Variants in RERE observed in about 807,000 individuals in gnomAD.
RERE encodes arginine-glutamic acid dipeptide repeats, also known as arginine-glutamic acid dipeptide repeats protein.
In RERE, 40 loss-of-function variants were observed where a neutral mutation model predicts 146.1. The ratio of observed to expected loss-of-function variants is 0.27; its 90% CI spans 0.21 to 0.36. The LOEUF is 0.36. RERE is among the 10% of genes least tolerant of loss of function. RERE has a pLI of 1.00. For missense variants in RERE, 1,933 were observed against 2,138.7 expected (o/e 0.90, Z 1.90); for synonymous variants, 1,003 against 866.0 (o/e 1.16, Z -2.78).
At chr1:8,668,232 A>C (rs1211884218) in intron 1 of RERE, among the ~76,000 whole-genome samples, 1 of 152,260 alleles carries the variant, frequency 6.6e-6, no homozygotes, top group East Asian at 1.9e-4. Flanking sequence ...AGACAAATTC[A>C]AAGTATTGCT....
intron 2 of RERE, among the ~76,000 whole-genome samples, chr1:8,630,350 AG>A (rs1271415757): frequency 1.3e-5 from 2 of 152,186 alleles, no homozygotes; most frequent in African/African-American, 4.8e-5. Flanking sequence ...TGTTCTTCAT[AG>A]TAAACACTCA....
chr1:8,625,429 G>GCA (rs1227075340), intron 2 of RERE, among the ~76,000 whole-genome samples: 1 of 152,114 alleles, frequency 6.6e-6, no homozygotes, highest in Non-Finnish European at 1.5e-5. Context: ...AAAAGTAAAG[G>GCA]CACAGTCAAT....
chr1:8,363,965 T>G, intron 15 of RERE, 91 bp downstream of exon 15: 11 of 1,221,532 alleles, frequency 9.0e-6, no homozygotes, highest in Non-Finnish European at 1.2e-5. Context: ...TAAACAAGAC[T>G]TTCGCTTCCT....
At chr1:8,677,078 A>G (rs1467147263) in intron 1 of RERE, among the ~76,000 whole-genome samples, 1 of 152,066 alleles carries the variant, frequency 6.6e-6, no homozygotes. Context: ...CGTCCTTGCC[A>G]CTAGCCCAAG....
At chr1:8,789,774 G>A (rs1319102022) in intron 1 of RERE, among the ~76,000 whole-genome samples, 3 of 152,062 alleles carry the variant, frequency 2.0e-5, no homozygotes, top group African/African-American at 7.2e-5. Context: ...TCCTGCCTCA[G>A]GCCGACCCCT....
At chr1:8,647,675 G>C (rs944139932) in intron 2 of RERE, among the ~76,000 whole-genome samples, 2 of 151,036 alleles carry the variant, frequency 1.3e-5, no homozygotes, top group Non-Finnish European at 2.9e-5. Flanking sequence ...GTGTGTGTGT[G>C]TGTCCCCTGG....
chr1:8,603,938 C>CAAAAAAAAAAA (rs61119278), intron 4 of RERE, among the ~76,000 whole-genome samples: 1 of 124,910 alleles, frequency 8.0e-6, no homozygotes, highest in African/African-American at 3.1e-5. Flanking sequence ...GACCCTGTCT[C>CAAAAAAAAAAA]AAAAAAAAAA....
At chr1:8,497,845 GTC>G (rs1645065992) in intron 8 of RERE, among the ~76,000 whole-genome samples, 1 of 152,100 alleles carries the variant, frequency 6.6e-6, no homozygotes, top group Non-Finnish European at 1.5e-5. Context: ...ACAAAATAAT[GTC>G]TTTAGATGAT....
At chr1:8,576,269 G>A (rs569226781) in intron 4 of RERE, among the ~76,000 whole-genome samples, 3 of 151,952 alleles carry the variant, frequency 2.0e-5, no homozygotes, top group Non-Finnish European at 4.4e-5. Context: ...ATAGGCATGG[G>A]GTGGGTTAGA....
At chr1:8,773,734 G>C (rs1641002420) in intron 1 of RERE, among the ~76,000 whole-genome samples, 1 of 152,202 alleles carries the variant, frequency 6.6e-6, no homozygotes, top group Non-Finnish European at 1.5e-5. Flanking sequence ...TGAGGCAGGA[G>C]AATCGCTTGA....
chr1:8,392,303 A>ATTTCT (rs1642908776), intron 12 of RERE, among the ~76,000 whole-genome samples: 1 of 152,242 alleles, frequency 6.6e-6, no homozygotes, highest in South Asian at 2.1e-4. Context: ...AAATAAACAA[A>ATTTCT]ATACACAATT....
chr1:8,659,364 C>T (rs1040009831), intron 1 of RERE, among the ~76,000 whole-genome samples: 1 of 152,230 alleles, frequency 6.6e-6, no homozygotes, highest in African/African-American at 2.4e-5. Context: ...CGAAGCCATC[C>T]TGGCCAAGAT....
intron 1 of RERE, among the ~76,000 whole-genome samples, chr1:8,685,182 T>C (rs982508294): frequency 2.0e-5 from 3 of 152,160 alleles, no homozygotes; most frequent in Admixed American, 6.5e-5. Flanking sequence ...AAAGAACTAA[T>C]TTGATGCTTC....
At chr1:8,797,419 C>T (rs1297076339) in intron 1 of RERE, among the ~76,000 whole-genome samples, 2 of 151,652 alleles carry the variant, frequency 1.3e-5, no homozygotes, top group African/African-American at 2.4e-5. Flanking sequence ...GAAAGATACA[C>T]GCCAGATCAT....
At position 8,635,946 on chromosome 1, in the gene RERE, T is replaced by TC. The variant is rs1279284608; in HGVS notation, c.326-11567_326-11566insG. Among the ~76,000 whole-genome samples the TC allele has an allele frequency of 1.9e-3, 138 of 71,070 alleles. 1 individual carries two copies. In the East Asian group the frequency reaches 0.027, roughly 14 times the overall value. 46.6% of individuals were successfully genotyped at this position (71,070 alleles called of 152,430 possible). On this transcript the variant is annotated intron_variant, in intron 2 of 22. Transcript: ENST00000400908. ...CTGTATGTCTTCAATTATTATTTTA[T>TC]TTTATCTTATCTTATCTTATCTTAT...
chr1:8,574,683 T>A (rs1239543859), intron 4 of RERE, among the ~76,000 whole-genome samples: 2 of 151,996 alleles, frequency 1.3e-5, no homozygotes, highest in African/African-American at 4.8e-5. Context: ...CACGAACAAA[T>A]ATATATTGCA....
At chr1:8,725,940 A>T (rs1326047164) in intron 1 of RERE, among the ~76,000 whole-genome samples, 2 of 146,198 alleles carry the variant, frequency 1.4e-5, no homozygotes, top group East Asian at 1.9e-4. Context: ...AAAGTTGTTT[A>T]AAAAAAAAGT....
intron 1 of RERE, among the ~76,000 whole-genome samples, chr1:8,804,917 A>C (rs983334207): frequency 6.6e-6 from 1 of 151,840 alleles, no homozygotes; most frequent in African/African-American, 2.4e-5. Flanking sequence ...ATCTAATCCT[A>C]TCTAACACAC....
chr1:8,792,292 A>G (rs1641377989), intron 1 of RERE: 2 of 152,246 alleles, frequency 1.3e-5, no homozygotes, highest in African/African-American at 4.8e-5. Flanking sequence ...CACAAGTCCA[A>G]CAGTTTACCT....
Sources: allele counts gnomAD v4.1 joint callset (sites outside exome capture counted in the v4.1 genomes callset), GRCh38; gene constraint gnomAD v4.1.1; transcripts MANE v1.5; gene names NCBI Gene and HGNC (gene_info 2026-07-23, HGNC 2026-07-21).